The following KHDRBS2 variants were observed in gnomAD, a reference collection of about 807,000 sequenced individuals.
KHDRBS2 encodes KH domain-containing, RNA-binding, signal transduction-associated protein 2.
A neutral mutation model predicts 44.3 loss-of-function variants in KHDRBS2; 26 were observed. The observed-to-expected ratio is 0.59, with a 90% CI of 0.43 to 0.81. The LOEUF is 0.81. Ranked by LOEUF, KHDRBS2 falls within the 40% of genes least tolerant of loss-of-function variation. The pLI is 0.00. For synonymous variants in KHDRBS2, 194 were observed against 151.1 expected (o/e 1.28, Z -2.08); for missense variants, 476 against 433.1 (o/e 1.10, Z -0.88).
the KHDRBS2 span, among the ~76,000 whole-genome samples, chr6:61,543,705 T>C: frequency 6.6e-6 from 1 of 152,080 alleles, no homozygotes; most frequent in Non-Finnish European, 1.5e-5. Context: ...AACCTAATTG[T>C]CCATCAGCAG....
chr6:61,683,709 C>T (rs978011070), intron 8 of KHDRBS2, among the ~76,000 whole-genome samples: 5 of 151,928 alleles, frequency 3.3e-5, no homozygotes, highest in East Asian at 2.0e-4. Flanking sequence ...AATCGTAGTG[C>T]GATCTCATTA....
chr6:61,869,849 T>A (rs546614007), intron 6 of KHDRBS2, among the ~76,000 whole-genome samples: 73 of 152,152 alleles, frequency 4.8e-4, no homozygotes, highest in African/African-American at 1.7e-3. Flanking sequence ...TTTCCCACGG[T>A]CTTCACAACC....
chr6:61,597,773 T>TATATATATATATATATATATATATACAC, the KHDRBS2 span, among the ~76,000 whole-genome samples: 26 of 42,304 alleles, frequency 6.1e-4, 1 homozygote, highest in East Asian at 1.0e-3. Context: ...TATATATATA[T>TATATATATATATATATATATATATACAC]ACACCAAGAT....
At chr6:61,825,006 C>T (rs1248481329) in intron 6 of KHDRBS2, among the ~76,000 whole-genome samples, 9 of 152,128 alleles carry the variant, frequency 5.9e-5, no homozygotes, top group Non-Finnish European at 1.3e-4. Context: ...TAAAATCTAT[C>T]ATTTCACAAT....
intron 1 of KHDRBS2, among the ~76,000 whole-genome samples, chr6:62,232,468 G>T (rs1315912998): frequency 1.3e-5 from 2 of 151,882 alleles, no homozygotes; most frequent in South Asian, 2.1e-4. Context: ...TAATTCTAAG[G>T]AAGTAAGTTC....
chr6:62,137,658 C>T (rs1258160997), intron 2 of KHDRBS2, among the ~76,000 whole-genome samples: 2 of 152,216 alleles, frequency 1.3e-5, no homozygotes, highest in Middle Eastern at 3.4e-3. Flanking sequence ...CTACCTGAGA[C>T]TATAAAATCC....
the KHDRBS2 span, among the ~76,000 whole-genome samples, chr6:61,590,125 A>AT: frequency 1.9e-3 from 294 of 151,994 alleles, 1 homozygote; most frequent in African/African-American, 5.1e-3. Flanking sequence ...GTTTTTGCCC[A>AT]TTTTTTTTGC....
At chr6:62,053,502 C>G (rs1473074314) in intron 2 of KHDRBS2, among the ~76,000 whole-genome samples, 1 of 151,850 alleles carries the variant, frequency 6.6e-6, no homozygotes, top group Non-Finnish European at 1.5e-5. Flanking sequence ...TTGTAATTTA[C>G]CCATTAACAA....
intron 4 of KHDRBS2, among the ~76,000 whole-genome samples, chr6:61,966,846 A>C (rs62416679): frequency 0.066 from 9,973 of 151,824 alleles, 413 homozygotes; most frequent in Middle Eastern, 0.1. Flanking sequence ...CCTATCATGC[A>C]CTTAGAGAAA....
intron 6 of KHDRBS2, among the ~76,000 whole-genome samples, chr6:61,755,377 G>A (rs1778338448): frequency 6.6e-6 from 1 of 151,880 alleles, no homozygotes; most frequent in Admixed American, 6.6e-5. Context: ...TATTAGTCCT[G>A]GACTATGAAG....
chr6:61,572,235 C>G, the KHDRBS2 span, among the ~76,000 whole-genome samples: 1 of 151,966 alleles, frequency 6.6e-6, no homozygotes, highest in Non-Finnish European at 1.5e-5. Context: ...CAGATAAATT[C>G]CTGGAAATAT....
At chr6:62,158,387 T>TA in intron 2 of KHDRBS2, among the ~76,000 whole-genome samples, 1 of 152,334 alleles carries the variant, frequency 6.6e-6, no homozygotes, top group Non-Finnish European at 1.5e-5. Context: ...TATGTCATTA[T>TA]ATTCATGTTG....
At chr6:61,833,234 A>T (rs1235664850) in intron 6 of KHDRBS2, among the ~76,000 whole-genome samples, 1 of 152,148 alleles carries the variant, frequency 6.6e-6, no homozygotes, top group African/African-American at 2.4e-5. Flanking sequence ...GGTATGAATG[A>T]TGTCTATAGC....
chr6:61,803,895 G>A (rs1243109844), intron 6 of KHDRBS2, among the ~76,000 whole-genome samples: 1 of 152,030 alleles, frequency 6.6e-6, no homozygotes, highest in African/African-American at 2.4e-5. Context: ...CACCTCCCAT[G>A]AGGTCCCTAC....
At chr6:61,739,323 T>C (rs1326755559) in intron 6 of KHDRBS2, among the ~76,000 whole-genome samples, 1 of 151,888 alleles carries the variant, frequency 6.6e-6, no homozygotes, top group Non-Finnish European at 1.5e-5. Context: ...TTTTTATTTA[T>C]GTTGACCAGT....
chr6:61,932,191 T>A (rs1319647406), intron 4 of KHDRBS2, among the ~76,000 whole-genome samples: 1 of 152,164 alleles, frequency 6.6e-6, no homozygotes. Context: ...TAAGCCCCTA[T>A]GTTGTTTAAG....
At chr6:62,097,588 T>A (rs1256029401) in intron 2 of KHDRBS2, among the ~76,000 whole-genome samples, 1 of 152,108 alleles carries the variant, frequency 6.6e-6, no homozygotes, top group Non-Finnish European at 1.5e-5. Context: ...TATCTTCTTC[T>A]ATGATTTCAC....
intron 6 of KHDRBS2, among the ~76,000 whole-genome samples, chr6:61,831,523 T>C (rs7744702): frequency 2.3e-4 from 35 of 151,950 alleles, no homozygotes; most frequent in African/African-American, 8.2e-4. Flanking sequence ...TCAATATTCA[T>C]AACGTTATTT....
At chr6:62,180,934 AG>A (rs34669830) in intron 1 of KHDRBS2, among the ~76,000 whole-genome samples, 4 of 151,760 alleles carry the variant, frequency 2.6e-5, no homozygotes, top group Admixed American at 2.0e-4. Flanking sequence ...AGAATGTACA[AG>A]GGAGAAAAAA....
Sources: gnomAD v4.1 joint callset for allele counts (sites outside exome capture counted in the v4.1 genomes callset) on GRCh38, gnomAD v4.1.1 for gene constraint, MANE v1.5 for transcripts, NCBI Gene and HGNC (gene_info 2026-07-23, HGNC 2026-07-21) for gene names.